The following MBD1 variants were observed in gnomAD, a reference collection of about 807,000 sequenced individuals.
MBD1 encodes the protein methyl-CpG binding domain protein 1.
MBD1 carries 25 observed loss-of-function variants against 82.6 expected under a neutral mutation model. The observed-to-expected ratio is 0.30, with a 90% confidence interval of 0.22 to 0.42. MBD1 has a LOEUF of 0.42. MBD1 is among the 10% of genes least tolerant of loss of function. The pLI, the probability that MBD1 is intolerant of heterozygous loss-of-function variation, is 1.00. For synonymous variants in MBD1, 301 were observed against 303.7 expected (o/e 0.99, Z 0.09); for missense variants, 627 against 819.6 (o/e 0.76, Z 2.87).
downstream of MBD1, among the ~76,000 whole-genome samples, chr18:50,268,178 C>G (rs145606891): frequency 1.3e-5 from 2 of 152,240 alleles, no homozygotes; most frequent in African/African-American, 4.8e-5. Context: ...ACCACCCCCA[C>G]CACACATCCT....
At position 50,277,148 on chromosome 18, in the gene MBD1, G is replaced by A. The variant is rs754006655; in HGVS notation, c.167C>T (p.Ala56Val). The change falls in exon 3 of 17, where the codon GCG becomes GTG. Residue 56 changes from alanine (A) to valine (V), a missense_variant. This residue lies in a region of MBD1 where 42 missense variants were observed against 90.4 expected (regional missense o/e 0.46). Coordinates refer to ENST00000269468, the MANE Select transcript of MBD1 (RefSeq NM_015846.4). Reference protein sequence around the residue: ...KVELTRYLGPACDLTLFDFKQ... With the variant: ...KVELTRYLGPVCDLTLFDFKQ... ...GAAGTCGAAGAGGGTGAGATCACAC[G>A]CAGGGCCCAGGTATCGAGTCAGCTC... The A allele has an allele frequency of 4.3e-6, 7 of 1,614,088 alleles. No individual in the cohort carries two copies. Among genetic ancestry groups the A allele is most frequent in the Admixed American group, 3.3e-5 (2 of 60,014 alleles).
chr18:50,272,564 G>T, intron 15 of MBD1, 113 bp downstream of exon 15: 1 of 1,121,578 alleles, frequency 8.9e-7, no homozygotes. Flanking sequence ...TAGTGGGTAT[G>T]GGCCTTTACC....
At position 50,276,402 on chromosome 18, in the gene MBD1, G is replaced by A. The variant is rs369492098; in HGVS notation, c.492C>T (p.Phe164=). The part of the protein sequence containing the change: ...CKDCRAQRIA[F]NREQRMFKRV... The stretch of plus-strand genomic sequence containing the variant: ...CCTTAAACATTCTCTGTTCCCGGTT[G>A]AAGGCAATTCTCTGTGCTGTGGGGA... Residue 164 remains phenylalanine, a synonymous_variant, in exon 6 of 17, where the codon TTC becomes TTT. Transcript: ENST00000269468. 1.2e-6 allele frequency: 2 copies of A among 1,614,194 alleles called. No individual in the cohort carries two copies. Among genetic ancestry groups the A allele is most frequent in the Non-Finnish European group, 8.5e-7 (1 of 1,180,024 alleles).
At chr18:50,274,128 G>A in intron 11 of MBD1, 58 bp downstream of exon 11, 5 of 1,607,422 alleles carry the variant, frequency 3.1e-6, no homozygotes, top group Non-Finnish European at 3.4e-6. Context: ...CCACTTCCAG[G>A]CACTGGGGCG....
chr18:50,271,602 T>C, intron 15 of MBD1, 62 bp from the exon 16 acceptor site: 1 of 1,560,490 alleles, frequency 6.4e-7, no homozygotes. Flanking sequence ...AATGGAGCAT[T>C]ACAAAACCAT....
At chr18:50,267,905 T>G (rs1161281411), downstream of MBD1, among the ~76,000 whole-genome samples, 1 of 152,282 alleles carries the variant, frequency 6.6e-6, no homozygotes, top group Admixed American at 6.5e-5. Flanking sequence ...TTCCATTTCC[T>G]GAATTGCTGG....
At position 50,273,729 on chromosome 18, in the gene MBD1, T is replaced by C. The variant is rs371340408; in HGVS notation, c.1281A>G (p.Thr427=). 223 of 1,614,060 alleles carry C rather than the reference T, an allele frequency of 1.4e-4. No individual in the cohort carries two copies. The highest frequency in any genetic ancestry group is 1.8e-4 in the Non-Finnish European group (212 of 1,180,046). ...GGGTATGGTCTGGTTGGGCTGTGCG[T>C]GTAGCCAAGGTGGGCTTCAAGGTAG... The part of the protein sequence containing the change: ...LGPTLKPTLA[T]RTAQPDHTQA... Residue 427 remains threonine (T), a synonymous_variant, in exon 12 of 17, where the codon ACA becomes ACG. Transcript: ENST00000269468.
chr18:50,277,627 A>G (rs1337665605), intron 2 of MBD1, among the ~76,000 whole-genome samples: 8 of 152,130 alleles, frequency 5.3e-5, no homozygotes, highest in African/African-American at 1.7e-4. Flanking sequence ...AAATGCAACT[A>G]CATACAAATT....
chr18:50,272,019 T>G (rs745394539), intron 15 of MBD1, among the ~76,000 whole-genome samples: 8 of 152,166 alleles, frequency 5.3e-5, no homozygotes, highest in Non-Finnish European at 1.0e-4. Flanking sequence ...CTACCCTTTG[T>G]TCTATGCCAG....
Position 50,269,766 on chromosome 18 carries a change from C to T in MBD1, c.*85G>A, listed in dbSNP as rs1021861678. 5 of 782,832 alleles carry T rather than the reference C, an allele frequency of 6.4e-6. No homozygotes were observed. The highest frequency in any genetic ancestry group is 1.7e-5 in the Admixed American group (1 of 59,014). The allele number at this position is 782,832 out of a possible 1,614,324, so 48.5% of individuals were successfully genotyped here. On this transcript the variant is annotated 3_prime_UTR_variant, in exon 17 of 17. Transcript: ENST00000269468. ...GTGCTCGTGGGCTCCACTGTGTCCTCGGTCTCCCACACTTTACATCCATCT... is the reference window on the plus strand; with the variant it reads ...GTGCTCGTGGGCTCCACTGTGTCCTTGGTCTCCCACACTTTACATCCATCT...
At position 50,276,962 on chromosome 18, in the gene MBD1, T is replaced by C; in HGVS notation, c.262A>G (p.Lys88Glu). The C allele has an allele frequency of 6.2e-7, 1 of 1,614,212 alleles. No individual in the cohort carries two copies. The highest frequency in any genetic ancestry group is 8.5e-7 in the Non-Finnish European group (1 of 1,180,028). ...PVAVASKKRK[K>E]PSRPAKTRKR... Reference sequence around the variant, plus strand: ...CGAGTCTTGGCTGGCCTTGAAGGCTTCTTTCGCTTCTTGCTGGCAACCGCC... The same window carrying C: ...CGAGTCTTGGCTGGCCTTGAAGGCTCCTTTCGCTTCTTGCTGGCAACCGCC... The change falls in exon 4 of 17, where the codon AAG becomes GAG. Residue 88 changes from lysine to glutamate, a missense_variant. Lys to Glu is a moderately conservative substitution (Grantham distance 56). Coordinates refer to ENST00000269468, the MANE Select transcript of MBD1 (RefSeq NM_015846.4).
chr18:50,276,908 C>T lies in MBD1; in HGVS notation c.316G>A (p.Glu106Lys), dbSNP rs374266416. 49 of 1,614,126 alleles carry T rather than the reference C, an allele frequency of 3.0e-5. No homozygotes were observed. In the Admixed American group the frequency reaches 3.5e-4, roughly 12 times the overall value. Residue 106 changes from glutamate to lysine, a missense_variant, in exon 4 of 17, where the codon GAG (glutamate) becomes AAG (lysine). Glu to Lys is a moderately conservative substitution (Grantham distance 56). Transcript: ENST00000269468. Reference protein sequence around the residue: ...RKRQVGPQSGEVRKEAPRDET... With the variant: ...RKRQVGPQSGKVRKEAPRDET... ...TCCCTCGGGGCCTCCTTCCTGACCT[C>T]ACCACTCTGGGGTCCAACCTGACGT...
At chr18:50,279,238 A>T (rs1185478188) in intron 2 of MBD1, among the ~76,000 whole-genome samples, 2 of 152,230 alleles carry the variant, frequency 1.3e-5, no homozygotes, top group Non-Finnish European at 2.9e-5. Context: ...TCATGAACCC[A>T]CCAATGTAGC....
upstream of MBD1, chr18:50,281,569 A>G (rs902419058): frequency 5.2e-6 from 3 of 572,890 alleles, no homozygotes; most frequent in African/African-American, 1.9e-5. Context: ...GCCTCTGGCT[A>G]AGCACCTGCG....
chr18:50,267,688 T>G, downstream of MBD1: 1 of 1,504,548 alleles, frequency 6.6e-7, no homozygotes, highest in Non-Finnish European at 8.9e-7. Context: ...AGAATGACAC[T>G]GTGATACTCC....
At position 50,269,350 on chromosome 18, in the gene MBD1, G is replaced by A. The variant is rs972599547; in HGVS notation, c.*501C>T. On this transcript the variant is annotated 3_prime_UTR_variant, in exon 17 of 17. Transcript: ENST00000269468. ...TGGCTTTGTAATGTGTCACCTTGGTGAGGCTATGTTTCCCGGAACTCTCTT... is the reference window on the plus strand; with the variant it reads ...TGGCTTTGTAATGTGTCACCTTGGTAAGGCTATGTTTCCCGGAACTCTCTT... 2 of 1,324,752 alleles carry A rather than the reference G, an allele frequency of 1.5e-6. No homozygotes were observed. The highest frequency in any genetic ancestry group is 3.2e-5 in the East Asian group (1 of 31,060). 82.1% of individuals were successfully genotyped at this position (1,324,752 alleles called of 1,614,324 possible).
At position 50,280,311 on chromosome 18, in the gene MBD1, C is replaced by A. The variant is rs1031567546; in HGVS notation, c.-25-294G>T. Reference sequence around the variant, plus strand: ...ACTGACAACCCATCATTTCTCCTCACTGCCAATCCAGAAACTTTTCATCCT... The same window carrying A: ...ACTGACAACCCATCATTTCTCCTCAATGCCAATCCAGAAACTTTTCATCCT... On this transcript the variant is annotated intron_variant, in intron 1 of 16. Transcript: ENST00000269468. 3.3e-5 allele frequency among the ~76,000 whole-genome samples: 5 copies of A among 152,188 alleles called. No homozygotes were observed. In the East Asian group the frequency reaches 9.7e-4, roughly 29 times the overall value.
Position 50,273,382 on chromosome 18 carries a change from G to C in MBD1, c.1536C>G (p.Gly512=), listed in dbSNP as rs779936793. The C allele has an allele frequency of 1.2e-6, 2 of 1,614,192 alleles. No individual in the cohort carries two copies. Among genetic ancestry groups the C allele is most frequent in the East Asian group, 2.2e-5 (1 of 44,886 alleles). ...ATACGGGAGAAGTCAGGACAGCTGTGCCTGGTGTCCACTCGTCCTGGGTAT... is the reference window on the plus strand; with the variant it reads ...ATACGGGAGAAGTCAGGACAGCTGTCCCTGGTGTCCACTCGTCCTGGGTAT... ...KADTQDEWTP[G]TAVLTSPVLV... Residue 512 remains glycine, a synonymous_variant, in exon 13 of 17, where the codon GGC becomes GGG. Transcript: ENST00000269468.
At chr18:50,272,987 A>T (rs2036246552) in intron 13 of MBD1, 32 bp from the exon 14 acceptor site, 1 of 1,613,510 alleles carries the variant, frequency 6.2e-7, no homozygotes. Context: ...CAACCATTAG[A>T]AGGGCAGAGT....
Sources: allele counts gnomAD v4.1 joint callset (sites outside exome capture counted in the v4.1 genomes callset), GRCh38; gene constraint gnomAD v4.1.1; regional missense constraint gnomAD v4.1.1; transcripts MANE v1.5; gene names NCBI Gene and HGNC (gene_info 2026-07-23, HGNC 2026-07-21).